NEMP1: variants seen among roughly 807,000 people sequenced by gnomAD.
NEMP1 encodes the protein transmembrane protein 194.
A neutral mutation model predicts 53.7 loss-of-function variants in NEMP1; 29 were observed. That is an observed-to-expected ratio of 0.54 (90% CI 0.40 to 0.74). The LOEUF (loss-of-function observed/expected upper bound fraction) is 0.74. Ranked by LOEUF, NEMP1 falls within the 30% of genes least tolerant of loss-of-function variation. The pLI is 0.00. For synonymous variants in NEMP1, 193 were observed against 192.9 expected (o/e 1.00, Z 0.00); for missense variants, 477 against 528.6 (o/e 0.90, Z 0.96).
In NEMP1 at chr12:57,058,177, C is replaced by T. The variant is rs899030776; in HGVS notation, c.*1702G>A. The T allele has an allele frequency of 2.0e-5, 3 of 151,930 alleles. No individual in the cohort carries two copies. The highest frequency in any genetic ancestry group is 7.3e-5 in the African/African-American group (3 of 41,270). 9.4% of individuals were successfully genotyped at this position (151,930 alleles called of 1,614,324 possible). A position where few individuals can be genotyped will look rare whatever the true frequency, so the allele number is the denominator to read the frequency against. ...TTCCTGCCAACTGAGGTAGTTGTCA[C>T]TTAGGACAGTTTAAGGCTCTGGAAA... On this transcript the variant is annotated 3_prime_UTR_variant, in exon 9 of 9. Coordinates refer to ENST00000300128, the MANE Select transcript of NEMP1 (RefSeq NM_001130963.2).
intron 1 of NEMP1, among the ~76,000 whole-genome samples, chr12:57,077,030 A>G (rs2032657319): frequency 1.3e-5 from 2 of 151,944 alleles, no homozygotes; most frequent in Non-Finnish European, 2.9e-5. Context: ...CAAGTAAGAC[A>G]ACATTTACAA....
At chr12:57,074,119 C>T (rs1378326312) in intron 1 of NEMP1, among the ~76,000 whole-genome samples, 4 of 151,436 alleles carry the variant, frequency 2.6e-5, no homozygotes, top group Non-Finnish European at 4.4e-5. Context: ...CAGGTATACA[C>T]CACCACACCC....
intron 8 of NEMP1, among the ~76,000 whole-genome samples, 176 bp from the exon 9 acceptor site, chr12:57,060,235 G>A (rs369149794): frequency 3.3e-5 from 5 of 152,276 alleles, no homozygotes; most frequent in Middle Eastern, 3.4e-3. Flanking sequence ...AAGTTAAGGA[G>A]AAAAGGAAAG....
intron 8 of NEMP1, 108 bp from the exon 9 acceptor site, chr12:57,060,167 T>C (rs1416534921): frequency 2.0e-6 from 2 of 1,011,458 alleles, no homozygotes; most frequent in South Asian, 1.6e-5. Flanking sequence ...ACTCAAATTA[T>C]ATTAAGTCTA....
At chr12:57,085,243 C>T (rs939814851) in intron 1 of NEMP1, among the ~76,000 whole-genome samples, 3 of 152,074 alleles carry the variant, frequency 2.0e-5, no homozygotes, top group Non-Finnish European at 2.9e-5. Flanking sequence ...GCAGTGGCGC[C>T]ATCAAGGCTC....
At chr12:57,068,231 T>C (rs1257517371) in intron 4 of NEMP1, among the ~76,000 whole-genome samples, 1 of 152,236 alleles carries the variant, frequency 6.6e-6, no homozygotes, top group Non-Finnish European at 1.5e-5. Flanking sequence ...ACAAACTTAA[T>C]GTTGATTTTA....
At position 57,072,865 on chromosome 12, in the gene NEMP1, C is replaced by T. The variant is rs2032417667; in HGVS notation, c.175G>A (p.Glu59Lys). 1 of 1,613,562 alleles carries T rather than the reference C, an allele frequency of 6.2e-7. No homozygotes were observed. The highest frequency in any genetic ancestry group is 8.5e-7 in the Non-Finnish European group (1 of 1,179,798). ...CAGAATTGTTGGCTGGCACGCTTTT[C>T]ACAAACTTGGGATTCCTGAAGCATG... is the stretch of plus-strand genomic sequence containing the variant. ...VVMLQESQVCEKRASQQFCYT... is the reference protein window; with the variant it reads ...VVMLQESQVCKKRASQQFCYT... The change falls in exon 2 of 9, where the codon GAA (glutamate) becomes AAA (lysine). Residue 59 changes from glutamate (E) to lysine (K), a missense_variant. Glu to Lys is a moderately conservative substitution (Grantham distance 56). Transcript: ENST00000300128.
At chr12:57,068,864 A>C (rs703846) in intron 4 of NEMP1, among the ~76,000 whole-genome samples, 147,268 of 152,272 alleles carry the variant, frequency 0.97, 71,274 homozygotes, top group East Asian at 1. Context: ...CCGTACCCAG[A>C]AGCTATTTGT....
At position 57,060,931 on chromosome 12, in the gene NEMP1, C is replaced by G; in HGVS notation, c.995G>C (p.Gly332Ala). The stretch of plus-strand genomic sequence containing the variant: ...ACGAGGGGGAACAGGCTTTTCTGCT[C>G]CCTTACACACCTTTCTGTGCTCACC... ...LYITCRKVCK[G>A]AEKPVPPRLL... Residue 332 changes from glycine (G) to alanine (A), a missense_variant, in exon 8 of 9, where the codon GGA becomes GCA. Coordinates refer to ENST00000300128, the MANE Select transcript of NEMP1 (RefSeq NM_001130963.2). 4 of 1,613,538 alleles carry G rather than the reference C, an allele frequency of 2.5e-6. No individual in the cohort carries two copies. The highest frequency in any genetic ancestry group is 3.4e-6 in the Non-Finnish European group (4 of 1,179,878).
chr12:57,071,495 A>T (rs2032344584), intron 2 of NEMP1, among the ~76,000 whole-genome samples: 1 of 151,980 alleles, frequency 6.6e-6, no homozygotes, highest in African/African-American at 2.4e-5. Context: ...CTTCTGCCTC[A>T]GCCTCCTGAG....
In NEMP1 at chr12:57,063,285, C is replaced by T. The variant is rs760772200; in HGVS notation, c.814G>A (p.Glu272Lys). ...AGCAGGTTGATACTTCGTTCATTCT[C>T]CAAGGGCCCATACTTGTAACATACT... ...FAVCYKYGPL[E>K]NERSINLLTW... The change falls in exon 7 of 9, where the codon GAG (glutamate) becomes AAG (lysine). Residue 272 changes from glutamate (E) to lysine (K), a missense_variant. Glu to Lys is a moderately conservative substitution (Grantham distance 56). Transcript: ENST00000300128. The T allele has an allele frequency of 1.2e-6, 2 of 1,614,184 alleles. No individual in the cohort carries two copies. Among genetic ancestry groups the T allele is most frequent in the South Asian group, 2.2e-5 (2 of 91,082 alleles).
chr12:57,059,782 A>G lies in NEMP1; in HGVS notation c.*97T>C, dbSNP rs764460501. 3.5e-6 allele frequency: 4 copies of G among 1,131,206 alleles called. No homozygotes were observed. The highest frequency in any genetic ancestry group is 5.3e-4 in the Middle Eastern group (2 of 3,764). The allele number at this position is 1,131,206 out of a possible 1,614,324, so 70.1% of individuals were successfully genotyped here. A position where few individuals can be genotyped will look rare whatever the true frequency, so the allele number is the denominator to read the frequency against. The stretch of plus-strand genomic sequence containing the variant: ...CAGTAGGAGAATTTCTACCCTATCT[A>G]TCTCACTCTGTTTCAAAGGGTTGAA... On this transcript the variant is annotated 3_prime_UTR_variant, in exon 9 of 9. Transcript: ENST00000300128.
chr12:57,086,065 G>C (rs1262113949), intron 1 of NEMP1, among the ~76,000 whole-genome samples: 1 of 152,208 alleles, frequency 6.6e-6, no homozygotes. Context: ...AATTAATTCT[G>C]CCTGGAGGAG....
Position 57,069,170 on chromosome 12 carries a change from A to G in NEMP1, c.545+64T>C, listed in dbSNP as rs182625254. 2.3e-5 allele frequency: 27 copies of G among 1,153,204 alleles called. No individual in the cohort carries two copies. In the Admixed American group the frequency reaches 7.7e-4, roughly 33 times the overall value. 71.4% of individuals were successfully genotyped at this position (1,153,204 alleles called of 1,614,324 possible). A position where few individuals can be genotyped will look rare whatever the true frequency, so the allele number is the denominator to read the frequency against. On this transcript the variant is annotated intron_variant, in intron 4 of 8. Coordinates refer to ENST00000300128, the MANE Select transcript of NEMP1 (RefSeq NM_001130963.2). The stretch of plus-strand genomic sequence containing the variant: ...ATGGGAATGGCAGTACTTAATAGTT[A>G]CTATAAAACGCAGGCAGGATAGGTA...
chr12:57,077,527 A>G (rs995226884), intron 1 of NEMP1, among the ~76,000 whole-genome samples: 12 of 152,124 alleles, frequency 7.9e-5, no homozygotes, highest in Non-Finnish European at 1.0e-4. Flanking sequence ...AAAAACAAAA[A>G]AAGAATTTTA....
upstream of NEMP1, among the ~76,000 whole-genome samples, chr12:57,081,016 T>C (rs1034553211): frequency 6.6e-6 from 1 of 151,728 alleles, no homozygotes; most frequent in Non-Finnish European, 1.5e-5. Context: ...ACACACACAC[T>C]CCCTCAGCTG....
chr12:57,075,923 C>T (rs868301014), intron 1 of NEMP1, among the ~76,000 whole-genome samples: 15 of 150,672 alleles, frequency 1.0e-4, no homozygotes, highest in South Asian at 4.2e-4. Flanking sequence ...GCCAACATGG[C>T]GAAATCCCAC....
intron 2 of NEMP1, 124 bp from the exon 3 acceptor site, chr12:57,071,017 A>G: frequency 1.4e-6 from 1 of 723,084 alleles, no homozygotes; most frequent in Non-Finnish European, 2.3e-6. Context: ...GTTTTCCACA[A>G]AGCTTATCAG....
At chr12:57,083,434 G>T (rs947985493), upstream of NEMP1, among the ~76,000 whole-genome samples, 2 of 152,194 alleles carry the variant, frequency 1.3e-5, no homozygotes, top group Non-Finnish European at 2.9e-5. Context: ...TCTGCAGGTG[G>T]ATTGGATTTA....
Sources: allele counts gnomAD v4.1 joint callset (sites outside exome capture counted in the v4.1 genomes callset), GRCh38; gene constraint gnomAD v4.1.1; transcripts MANE v1.5; gene names NCBI Gene and HGNC (gene_info 2026-07-23, HGNC 2026-07-21).